Variants in RYR2 observed in about 807,000 individuals in gnomAD.
RYR2 encodes ryanodine receptor 2.
A neutral mutation model predicts 601.1 loss-of-function variants in RYR2; 227 were observed. The observed-to-expected ratio is 0.38, with a 90% confidence interval of 0.34 to 0.42. The LOEUF is 0.42. RYR2 is among the 10% of genes least tolerant of loss of function. The probability of loss-of-function intolerance (pLI) is 1.00; values close to 1 mark genes in which losing one functional copy is unlikely to be tolerated. For missense variants in RYR2, 4,646 were observed against 6,156.5 expected, an observed-to-expected ratio of 0.75 and a Z score of 8.21; for synonymous variants, 2,223 against 2,175.1, an observed-to-expected ratio of 1.02 and a Z score of -0.61.
At chr1:237,762,560 A>G (rs1029349950) in intron 84 of RYR2, among the ~76,000 whole-genome samples, 2 of 152,192 alleles carry the variant, frequency 1.3e-5, no homozygotes, top group Non-Finnish European at 2.9e-5. Flanking sequence ...ATCAGCTCCC[A>G]AAAGGAATAG....
chr1:237,211,840 T>G (rs1331892504), intron 1 of RYR2, among the ~76,000 whole-genome samples: 1 of 152,196 alleles, frequency 6.6e-6, no homozygotes, highest in African/African-American at 2.4e-5. Flanking sequence ...ATGATTTATT[T>G]ACTCCTGAGG....
chr1:237,479,128 CAA>C (rs1362915324), intron 17 of RYR2, among the ~76,000 whole-genome samples: 1 of 152,170 alleles, frequency 6.6e-6, no homozygotes, highest in Admixed American at 6.5e-5. Flanking sequence ...CATTAAATCA[CAA>C]AGTGTTTTGG....
chr1:237,769,414 A>G (rs999039856), intron 84 of RYR2, among the ~76,000 whole-genome samples: 1 of 152,198 alleles, frequency 6.6e-6, no homozygotes, highest in Non-Finnish European at 1.5e-5. Flanking sequence ...ATGTGCCTAT[A>G]ACACTTAAAC....
At chr1:237,804,113 T>C (rs1660326694) in intron 98 of RYR2, among the ~76,000 whole-genome samples, 1 of 152,080 alleles carries the variant, frequency 6.6e-6, no homozygotes, top group South Asian at 2.1e-4. Context: ...GAAATTTTCC[T>C]AAAATGCCAT....
intron 10 of RYR2, among the ~76,000 whole-genome samples, chr1:237,413,829 T>A (rs552976588): frequency 2.9e-4 from 44 of 152,128 alleles, no homozygotes; most frequent in Non-Finnish European, 5.1e-4. Context: ...AATTCTTTAT[T>A]TACATGTTTT....
chr1:237,198,118 C>T (rs182438030), intron 1 of RYR2, among the ~76,000 whole-genome samples: 86 of 152,234 alleles, frequency 5.6e-4, no homozygotes, highest in East Asian at 1.5e-3. Flanking sequence ...TGGCCCAGTC[C>T]GGGTTATGGC....
At chr1:237,260,561 C>T (rs115616968) in intron 1 of RYR2, among the ~76,000 whole-genome samples, 7,412 of 152,018 alleles carry the variant, frequency 0.049, 198 homozygotes, top group African/African-American at 0.061. Context: ...GATGGGGTGC[C>T]GTGGGTCACA....
intron 1 of RYR2, among the ~76,000 whole-genome samples, chr1:237,062,438 G>C (rs1476676705): frequency 6.6e-6 from 1 of 152,104 alleles, no homozygotes; most frequent in Non-Finnish European, 1.5e-5. Context: ...AGTTTTCCAT[G>C]AAAGACTTTG....
chr1:237,125,257 G>A (rs570840442), intron 1 of RYR2, among the ~76,000 whole-genome samples: 6 of 152,200 alleles, frequency 3.9e-5, no homozygotes, highest in Admixed American at 6.5e-5. Context: ...CCCAGGCCTC[G>A]GAGGTTCGGT....
chr1:237,500,611 G>A, intron 20 of RYR2, 100 bp from the exon 21 acceptor site: 1 of 936,444 alleles, frequency 1.1e-6, no homozygotes, highest in East Asian at 2.4e-5. Context: ...GTTGTGCATT[G>A]GTTTGTCACT....
At chr1:237,372,639 A>G (rs1249281761) in intron 6 of RYR2, among the ~76,000 whole-genome samples, 9 of 152,226 alleles carry the variant, frequency 5.9e-5, no homozygotes, top group African/African-American at 1.9e-4. Context: ...TTCTACAGCA[A>G]TCAAAACACA....
intron 2 of RYR2, among the ~76,000 whole-genome samples, chr1:237,296,126 C>A (rs897406962): frequency 6.6e-6 from 1 of 151,942 alleles, no homozygotes. Context: ...GTGCAAAGAC[C>A]CTAAGGTGAG....
intron 1 of RYR2, among the ~76,000 whole-genome samples, chr1:237,261,422 C>T (rs1009364537): frequency 1.3e-5 from 2 of 152,196 alleles, no homozygotes; most frequent in Admixed American, 6.5e-5. Flanking sequence ...CCCACTTCCC[C>T]TAGCCTAGTC....
intron 101 of RYR2, among the ~76,000 whole-genome samples, chr1:237,827,179 A>G (rs1477001761): frequency 6.6e-6 from 1 of 152,208 alleles, no homozygotes; most frequent in Non-Finnish European, 1.5e-5. Flanking sequence ...TATTGAGTGT[A>G]AAAATAACGT....
At chr1:237,654,225 A>G in intron 51 of RYR2, 49 bp from the exon 52 acceptor site, 4 of 1,590,908 alleles carry the variant, frequency 2.5e-6, no homozygotes, top group Non-Finnish European at 3.4e-6. Flanking sequence ...AAAAAAAAAT[A>G]TAAAAGGTTT....
chr1:237,608,232 T>A (rs914156245), intron 35 of RYR2, among the ~76,000 whole-genome samples: 1 of 152,140 alleles, frequency 6.6e-6, no homozygotes, highest in Non-Finnish European at 1.5e-5. Flanking sequence ...CTCAAGAATG[T>A]TGGAGAAGAA....
At chr1:237,586,522 G>C (rs60893259) in intron 29 of RYR2, among the ~76,000 whole-genome samples, 10,023 of 152,098 alleles carry the variant, frequency 0.066, 1,044 homozygotes, top group African/African-American at 0.22. Flanking sequence ...ACAAGTGGAG[G>C]GGCTAAGACA....
At chr1:237,277,647 C>A (rs377766080) in intron 2 of RYR2, among the ~76,000 whole-genome samples, 1 of 151,946 alleles carries the variant, frequency 6.6e-6, no homozygotes, top group East Asian at 1.9e-4. Context: ...AAGACCAGAC[C>A]CTGTCTCTAC....
chr1:237,205,207 G>C (rs987790487), intron 1 of RYR2, among the ~76,000 whole-genome samples: 2 of 152,202 alleles, frequency 1.3e-5, no homozygotes, highest in Non-Finnish European at 2.9e-5. Context: ...CTAGCAAATG[G>C]GCTACGCTGG....
Sources: gnomAD v4.1 joint callset for allele counts (sites outside exome capture counted in the v4.1 genomes callset) on GRCh38, gnomAD v4.1.1 for gene constraint, MANE v1.5 for transcripts, NCBI Gene and HGNC (gene_info 2026-07-23, HGNC 2026-07-21) for gene names.